The following CAV1 variants were observed in gnomAD, a reference collection of about 807,000 sequenced individuals.
CAV1 encodes the protein caveolin-1.
In CAV1, 10 loss-of-function variants were observed where a neutral mutation model predicts 16.5. That is an observed-to-expected ratio of 0.61 (90% CI 0.37 to 1.03). CAV1 has a LOEUF of 1.03. CAV1 is among the 50% of genes least tolerant of loss of function. CAV1 has a pLI of 0.01. For synonymous variants in CAV1, 76 were observed against 85.1 expected, an observed-to-expected ratio of 0.89 and a Z score of 0.59; for missense variants, 212 against 232.8, an observed-to-expected ratio of 0.91 and a Z score of 0.58.
chr7:116,527,339 G>C (rs1793586154), intron 2 of CAV1, among the ~76,000 whole-genome samples: 1 of 152,178 alleles, frequency 6.6e-6, no homozygotes, highest in South Asian at 2.1e-4. Context: ...ATGCCTCTTG[G>C]TTTCTTCTAT....
At chr7:116,541,777 T>C (rs1435551165) in intron 2 of CAV1, among the ~76,000 whole-genome samples, 2 of 149,012 alleles carry the variant, frequency 1.3e-5, no homozygotes, top group Non-Finnish European at 3.0e-5. Flanking sequence ...AAAAAAGTGT[T>C]AGGTGACATG....
intron 2 of CAV1, among the ~76,000 whole-genome samples, chr7:116,549,190 C>A (rs1330046588): frequency 2.0e-5 from 3 of 152,192 alleles, no homozygotes; most frequent in Non-Finnish European, 4.4e-5. Context: ...CTTTTGTCGC[C>A]TGTCCCTTCC....
rs772468332 is a variant in CAV1, at chr7:116,559,262, G to T, written c.512G>T (p.Arg171Leu). 5.6e-6 allele frequency: 9 copies of T among 1,612,214 alleles called. No individual in the cohort carries two copies. The highest frequency in any genetic ancestry group is 4.5e-5 in the East Asian group (2 of 44,868). Reference sequence around the variant, plus strand: ...GTTGGGAAAATATTCAGCAATGTCCGCATCAACTTGCAGAAAGAAATATAA... The same window carrying T: ...GTTGGGAAAATATTCAGCAATGTCCTCATCAACTTGCAGAAAGAAATATAA... ...EAVGKIFSNVRINLQKEI is the reference protein window; with the variant it reads ...EAVGKIFSNVLINLQKEI Residue 171 changes from arginine (R) to leucine (L), a missense_variant, in exon 3 of 3, where the codon CGC becomes CTC. Transcript: ENST00000341049.
At chr7:116,553,341 C>T (rs1266829140) in intron 2 of CAV1, among the ~76,000 whole-genome samples, 1 of 151,896 alleles carries the variant, frequency 6.6e-6, no homozygotes, top group Non-Finnish European at 1.5e-5. Context: ...TTTGTGTTAA[C>T]TCATGTTTCT....
intron 2 of CAV1, among the ~76,000 whole-genome samples, chr7:116,549,094 C>T (rs1392247775): frequency 1.3e-5 from 2 of 152,164 alleles, no homozygotes; most frequent in Non-Finnish European, 2.9e-5. Context: ...TATACACAGA[C>T]ACGCACATAC....
chr7:116,539,308 C>T (rs916651832), intron 2 of CAV1, among the ~76,000 whole-genome samples: 2 of 152,152 alleles, frequency 1.3e-5, no homozygotes, highest in African/African-American at 2.4e-5. Flanking sequence ...CCTTCTCACC[C>T]CACTTTGTGC....
At chr7:116,544,252 C>A (rs752132919) in intron 2 of CAV1, among the ~76,000 whole-genome samples, 1 of 152,214 alleles carries the variant, frequency 6.6e-6, no homozygotes, top group Non-Finnish European at 1.5e-5. Flanking sequence ...ATCACTAATT[C>A]TTACGCCAGA....
Position 116,559,500 on chromosome 7 carries a change from T to C in CAV1, c.*213T>C. The C allele has an allele frequency of 1.7e-6, 1 of 602,742 alleles. No individual in the cohort carries two copies. Among genetic ancestry groups the C allele is most frequent in the Admixed American group, 3.0e-5 (1 of 32,988 alleles). 37.3% of individuals were successfully genotyped at this position (602,742 alleles called of 1,614,324 possible). On this transcript the variant is annotated 3_prime_UTR_variant, in exon 3 of 3. Transcript: ENST00000341049. Reference sequence around the variant, plus strand: ...GGCAGTCTGAATTTTTAAAACCCATTTAAATTTTTTTCCTTACCTTTTTAT... The same window carrying C: ...GGCAGTCTGAATTTTTAAAACCCATCTAAATTTTTTTCCTTACCTTTTTAT...
At chr7:116,546,830 A>G (rs1030298437) in intron 2 of CAV1, among the ~76,000 whole-genome samples, 3 of 152,182 alleles carry the variant, frequency 2.0e-5, no homozygotes, top group African/African-American at 4.8e-5. Context: ...CTAAAAAAGT[A>G]TCACAAGCTG....
At chr7:116,536,549 C>T (rs1346811388) in intron 2 of CAV1, among the ~76,000 whole-genome samples, 4 of 152,140 alleles carry the variant, frequency 2.6e-5, no homozygotes, top group Admixed American at 2.6e-4. Flanking sequence ...GCAACCAGAG[C>T]CTTGAGGGGT....
intron 2 of CAV1, among the ~76,000 whole-genome samples, chr7:116,534,725 G>A (rs1051226930): frequency 1.1e-4 from 16 of 151,958 alleles, no homozygotes; most frequent in Non-Finnish European, 2.1e-4. Context: ...AGAATATCTA[G>A]AGGTGGAGCC....
In CAV1 at chr7:116,530,208, CT is replaced by C. The variant is rs3030806; in HGVS notation, c.195+3532del. Among the ~76,000 whole-genome samples, 84 of 125,338 alleles carry C rather than the reference CT, an allele frequency of 6.7e-4. 1 individual carries two copies. The highest frequency in any genetic ancestry group is 4.8e-3 in the Middle Eastern group (1 of 208). The allele number at this position is 125,338 out of a possible 152,430, so 82.2% of individuals were successfully genotyped here. On this transcript the variant is annotated intron_variant, in intron 2 of 2. Transcript: ENST00000341049. ...CATGGAAACTGATTGGTCCTTTTTC[CT>C]TTTTTTTTTTTTGCCTTGACTGCCA...
intron 2 of CAV1, among the ~76,000 whole-genome samples, chr7:116,529,343 G>A (rs1160488137): frequency 6.6e-6 from 1 of 152,106 alleles, no homozygotes; most frequent in Non-Finnish European, 1.5e-5. Context: ...TGTCCAATAT[G>A]GTAATCACTA....
In CAV1 at chr7:116,560,037, A is replaced by G; in HGVS notation, c.*750A>G. 1 of 393,062 alleles carries G rather than the reference A, an allele frequency of 2.5e-6. No individual in the cohort carries two copies. The highest frequency in any genetic ancestry group is 4.5e-6 in the Non-Finnish European group (1 of 222,792). The allele number at this position is 393,062 out of a possible 1,614,324, so 24.3% of individuals were successfully genotyped here. A position where few individuals can be genotyped will look rare whatever the true frequency, so the allele number is the denominator to read the frequency against. ...CCTCCCTGAAGACCAAAATTAGAAT[A>G]TCCATGACCTAGTTTTCCATGCGTG... On this transcript the variant is annotated 3_prime_UTR_variant, in exon 3 of 3. Transcript: ENST00000341049.
At position 116,555,518 on chromosome 7, in the gene CAV1, A is replaced by AAGAAAGAAAGAAAGAAAGAGAGAG. The variant is rs1554357869; in HGVS notation, c.196-3425_196-3424insAAGAAAGAAAGAAAGAGAGAGAGA. Among the ~76,000 whole-genome samples, 2 of 14,054 alleles carry AAGAAAGAAAGAAAGAAAGAGAGAG rather than the reference A, an allele frequency of 1.4e-4. 1 individual carries two copies. The highest frequency in any genetic ancestry group is 2.8e-4 in the Non-Finnish European group (2 of 7,200). 9.2% of individuals were successfully genotyped at this position (14,054 alleles called of 152,430 possible). A position where few individuals can be genotyped will look rare whatever the true frequency, so the allele number is the denominator to read the frequency against. On this transcript the variant is annotated intron_variant, in intron 2 of 2. Coordinates refer to ENST00000341049, the MANE Select transcript of CAV1 (RefSeq NM_001753.5). ...AAAGAAAGAAAGAAAGAAAGAAAGA[A>AAGAAAGAAAGAAAGAAAGAGAGAG]AGAGAGAGAGAGAGAGAGAGAGAGA...
chr7:116,556,058 G>A (rs988047098), intron 2 of CAV1, among the ~76,000 whole-genome samples: 2 of 152,116 alleles, frequency 1.3e-5, no homozygotes, highest in African/African-American at 4.8e-5. Context: ...AAATTCACTT[G>A]GACGTTTGAG....
intron 2 of CAV1, among the ~76,000 whole-genome samples, chr7:116,550,260 T>G (rs1794131219): frequency 6.6e-6 from 1 of 152,174 alleles, no homozygotes; most frequent in African/African-American, 2.4e-5. Flanking sequence ...TCTTCCATCT[T>G]GAAACCCTGG....
chr7:116,525,342 A>C (rs1793534780), intron 1 of CAV1: 1 of 1,544,884 alleles, frequency 6.5e-7, no homozygotes, highest in African/African-American at 1.4e-5. Context: ...GGAAAAGGGG[A>C]TTGGGGTCCT....
At chr7:116,549,407 T>C (rs1399713543) in intron 2 of CAV1, among the ~76,000 whole-genome samples, 1 of 152,224 alleles carries the variant, frequency 6.6e-6, no homozygotes, top group Non-Finnish European at 1.5e-5. Context: ...CTTCTGAGCT[T>C]GAATTATCCC....
Sources: gnomAD v4.1 joint callset for allele counts (sites outside exome capture counted in the v4.1 genomes callset) on GRCh38, gnomAD v4.1.1 for gene constraint, MANE v1.5 for transcripts, NCBI Gene and HGNC (gene_info 2026-07-23, HGNC 2026-07-21) for gene names.